Variants in RUFY4 observed in about 807,000 individuals in gnomAD.
RUFY4 encodes RUN and FYVE domain containing 4.
Under a neutral mutation model 69.0 loss-of-function variants are expected in RUFY4, and 73 were observed. The observed-to-expected ratio is 1.06, with a 90% CI of 0.88 to 1.29. The LOEUF is 1.29. RUFY4 is among the 50% of genes most tolerant of loss of function. The probability of loss-of-function intolerance (pLI) is 0.00; values close to 1 mark genes in which losing one functional copy is unlikely to be tolerated. For synonymous variants in RUFY4, 287 were observed against 271.8 expected, an observed-to-expected ratio of 1.06 and a Z score of -0.55; for missense variants, 770 against 705.6, an observed-to-expected ratio of 1.09 and a Z score of -1.03.
chr2:218,051,568 T>TA (rs35465389), intron 2 of RUFY4, among the ~76,000 whole-genome samples: 1,421 of 114,842 alleles, frequency 0.012, 13 homozygotes, highest in Admixed American at 0.028. Flanking sequence ...TCCAATATTT[T>TA]AAAAAAAAAA....
rs1398753678 is a variant in RUFY4, at chr2:218,075,646, ACT to A, written c.1157_1158del (p.Ser386TyrfsTer40). The stretch of plus-strand genomic sequence containing the variant: ...CTTCAGGGACACGCAACAAAGGAAG[ACT>A]CTACCGTGGAGAATCCACAAGTGCA... On this transcript the variant is annotated frameshift_variant, in exon 7 of 11. Transcript: ENST00000344321. LOFTEE classifies it high-confidence loss of function. 7 of 1,511,460 alleles carry A rather than the reference ACT, an allele frequency of 4.6e-6. No individual in the cohort carries two copies. The highest frequency in any genetic ancestry group is 1.4e-5 in the African/African-American group (1 of 71,538). 93.6% of individuals were successfully genotyped at this position (1,511,460 alleles called of 1,614,324 possible).
intron 2 of RUFY4, among the ~76,000 whole-genome samples, chr2:218,072,048 G>A (rs1274935118): frequency 6.6e-6 from 1 of 152,130 alleles, no homozygotes; most frequent in Non-Finnish European, 1.5e-5. Context: ...CACCAGCCTA[G>A]TGTGGATCAA....
At chr2:218,044,899 C>T (rs558070117) in intron 2 of RUFY4, among the ~76,000 whole-genome samples, 4 of 152,178 alleles carry the variant, frequency 2.6e-5, no homozygotes, top group Non-Finnish European at 5.9e-5. Context: ...CTGCAATGAA[C>T]ATATGTGTAG....
intron 9 of RUFY4, 93 bp from the exon 12 acceptor site, chr2:218,089,159 G>T (rs1005467674): frequency 3.6e-5 from 34 of 955,510 alleles, no homozygotes; most frequent in Non-Finnish European, 5.0e-5. Flanking sequence ...GATTCCGTCT[G>T]TTCCTCTCTG....
At chr2:218,060,200 G>C (rs898331833) in intron 3 of RUFY4, 12 of 706,518 alleles carry the variant, frequency 1.7e-5, no homozygotes, top group Non-Finnish European at 2.5e-5. Flanking sequence ...TAGTAAGAAC[G>C]TGGCCTCCTC....
intron 3 of RUFY4, chr2:218,060,267 G>A (rs1383820735): frequency 7.3e-7 from 1 of 1,375,140 alleles, no homozygotes; most frequent in Non-Finnish European, 9.9e-7. Flanking sequence ...AAGAGCTAGT[G>A]GACATGAGGC....
At chr2:218,085,388 G>A (rs566692510) in intron 9 of RUFY4, among the ~76,000 whole-genome samples, 4 of 152,244 alleles carry the variant, frequency 2.6e-5, no homozygotes, top group Admixed American at 1.3e-4. Context: ...TAGCCACCAA[G>A]GTTGACTTCT....
intron 2 of RUFY4, among the ~76,000 whole-genome samples, chr2:218,044,939 T>G (rs1688792893): frequency 1.3e-5 from 2 of 152,232 alleles, no homozygotes; most frequent in Non-Finnish European, 2.9e-5. Context: ...GGATTTCTAT[T>G]CCTTTGTGTG....
At chr2:218,085,470 G>T (rs537707977) in intron 9 of RUFY4, among the ~76,000 whole-genome samples, 1 of 152,244 alleles carries the variant, frequency 6.6e-6, no homozygotes, top group Admixed American at 6.5e-5. Context: ...GACTATAAAA[G>T]ACTAAAACTT....
chr2:218,079,928 C>A (rs1489717629), intron 8 of RUFY4, among the ~76,000 whole-genome samples: 1 of 152,100 alleles, frequency 6.6e-6, no homozygotes, highest in Non-Finnish European at 1.5e-5. Context: ...GGGAAAAAAA[C>A]AAAGGCAGGG....
intron 3 of RUFY4, among the ~76,000 whole-genome samples, chr2:218,062,341 GC>G (rs571001507): frequency 1.0e-3 from 153 of 150,692 alleles, no homozygotes; most frequent in African/African-American, 3.7e-3. Flanking sequence ...AGGAGGCGGA[GC>G]TTGTAGTGAG....
intron 2 of RUFY4, among the ~76,000 whole-genome samples, chr2:218,043,356 C>G (rs1332977892): frequency 3.3e-5 from 5 of 151,962 alleles, no homozygotes; most frequent in Non-Finnish European, 7.4e-5. Context: ...TAGTCTGCAG[C>G]TCTCAACAGA....
At chr2:218,038,468 T>C (rs1336760549) in intron 2 of RUFY4, among the ~76,000 whole-genome samples, 1 of 152,228 alleles carries the variant, frequency 6.6e-6, no homozygotes, top group African/African-American at 2.4e-5. Flanking sequence ...TTCATTTTAA[T>C]CATTACATAT....
At chr2:218,038,171 G>A (rs1023990159) in intron 2 of RUFY4, among the ~76,000 whole-genome samples, 1 of 151,952 alleles carries the variant, frequency 6.6e-6, no homozygotes, top group Non-Finnish European at 1.5e-5. Context: ...TTCCATGAAA[G>A]TTATCAGAGT....
At chr2:218,044,345 A>G (rs555705792) in intron 2 of RUFY4, among the ~76,000 whole-genome samples, 146 of 152,392 alleles carry the variant, frequency 9.6e-4, no homozygotes, top group African/African-American at 3.3e-3. Flanking sequence ...TATATATGCT[A>G]TAAAATATGA....
chr2:218,067,107 A>G (rs903098646), upstream of RUFY4, among the ~76,000 whole-genome samples: 2 of 152,190 alleles, frequency 1.3e-5, no homozygotes, highest in African/African-American at 4.8e-5. Context: ...CCCGCTCTTT[A>G]TCACCCATGT....
At chr2:218,038,151 T>C (rs1559418394) in intron 2 of RUFY4, among the ~76,000 whole-genome samples, 1 of 152,122 alleles carries the variant, frequency 6.6e-6, no homozygotes, top group Non-Finnish European at 1.5e-5. Flanking sequence ...CTTAAAGTTA[T>C]CAAAAACCTT....
At chr2:218,088,471 GAAAAGAA>G (rs1045979270) in intron 9 of RUFY4, among the ~76,000 whole-genome samples, 5 of 148,354 alleles carry the variant, frequency 3.4e-5, no homozygotes, top group Admixed American at 6.7e-5. Context: ...AAAAAAAAAA[GAAAAGAA>G]AAAAGAAAAA....
intron 5 of RUFY4, 131 bp downstream of exon 7, chr2:218,073,517 G>T (rs1480278771): frequency 5.4e-6 from 7 of 1,304,450 alleles, no homozygotes; most frequent in South Asian, 1.4e-5. Flanking sequence ...CCATGCCTTT[G>T]GATTCTTCTA....
Sources: allele counts gnomAD v4.1 joint callset (sites outside exome capture counted in the v4.1 genomes callset), GRCh38; gene constraint gnomAD v4.1.1; transcripts MANE v1.5; gene names NCBI Gene and HGNC (gene_info 2026-07-23, HGNC 2026-07-21).